PPM1L: variants seen among roughly 807,000 people sequenced by gnomAD.
PPM1L encodes the protein protein phosphatase, Mg2+/Mn2+ dependent 1L.
PPM1L carries 13 observed loss-of-function variants against 31.4 expected under a neutral mutation model. That is an observed-to-expected ratio of 0.41 (90% CI 0.27 to 0.66). The LOEUF (loss-of-function observed/expected upper bound fraction) is 0.66, where lower values mean the gene tolerates loss of function less well. Among genes scored for constraint, PPM1L ranks in the 30% least tolerant of loss-of-function variants. The pLI, the probability that PPM1L is intolerant of heterozygous loss-of-function variation, is 0.29. For synonymous variants in PPM1L, 184 were observed against 175.4 expected (o/e 1.05, Z -0.39); for missense variants, 326 against 453.7 (o/e 0.72, Z 2.56).
At chr3:160,903,642 C>T (rs1335658194) in intron 1 of PPM1L, among the ~76,000 whole-genome samples, 1 of 151,854 alleles carries the variant, frequency 6.6e-6, no homozygotes, top group Non-Finnish European at 1.5e-5. Flanking sequence ...TCTATTACTT[C>T]AATTATTATT....
intron 1 of PPM1L, among the ~76,000 whole-genome samples, chr3:160,779,010 A>G (rs1489398565): frequency 6.6e-6 from 1 of 151,918 alleles, no homozygotes; most frequent in Non-Finnish European, 1.5e-5. Flanking sequence ...TTTCTACAGT[A>G]AACAGTCTAA....
In PPM1L at chr3:161,069,089, G is replaced by A. The variant is rs1209655125; in HGVS notation, c.1015G>A (p.Gly339Ser). Reference protein sequence around the residue: ...KSIVLQSFYRGCPDNITVMVV... With the variant: ...KSIVLQSFYRSCPDNITVMVV... ...CATAGTTTTACAGTCATTTTACAGA[G>A]GCTGCCCTGACAATATAACAGTCAT... The change falls in exon 4 of 4, where the codon GGC becomes AGC. Residue 339 changes from glycine (G) to serine (S), a missense_variant. By Grantham distance (56) the Gly-to-Ser change is moderately conservative. Transcript: ENST00000498165. 1 of 1,614,072 alleles carries A rather than the reference G, an allele frequency of 6.2e-7. No individual in the cohort carries two copies. Among genetic ancestry groups the A allele is most frequent in the African/African-American group, 1.3e-5 (1 of 74,940 alleles).
At chr3:161,002,573 T>C (rs1019180002) in intron 2 of PPM1L, among the ~76,000 whole-genome samples, 3 of 150,434 alleles carry the variant, frequency 2.0e-5, no homozygotes, top group African/African-American at 7.4e-5. Context: ...TTGATTTGCA[T>C]TTCTCTGATA....
At chr3:161,049,255 G>A (rs1719189827) in intron 2 of PPM1L, among the ~76,000 whole-genome samples, 1 of 151,442 alleles carries the variant, frequency 6.6e-6, no homozygotes, top group African/African-American at 2.4e-5. Context: ...TCTAGCCTGG[G>A]CAGCAAAGTG....
intron 2 of PPM1L, among the ~76,000 whole-genome samples, chr3:160,970,018 A>G (rs1025614647): frequency 6.6e-5 from 10 of 152,174 alleles, no homozygotes; most frequent in Admixed American, 4.6e-4. Context: ...CAAATTTTAT[A>G]TCTTTTTTAT....
intron 1 of PPM1L, among the ~76,000 whole-genome samples, chr3:160,903,251 C>T: frequency 8.1e-6 from 1 of 124,018 alleles, no homozygotes; most frequent in Non-Finnish European, 1.7e-5. Context: ...TATTAAGAGA[C>T]TTATTCTAAG....
chr3:160,897,105 T>C (rs1249859924), intron 1 of PPM1L, among the ~76,000 whole-genome samples: 2 of 148,848 alleles, frequency 1.3e-5, no homozygotes, highest in Non-Finnish European at 3.0e-5. Context: ...TGCAGTGGTG[T>C]GATCTTGGCT....
chr3:161,029,508 G>A (rs1299592670), intron 2 of PPM1L, among the ~76,000 whole-genome samples: 5 of 152,172 alleles, frequency 3.3e-5, no homozygotes, highest in Admixed American at 1.3e-4. Flanking sequence ...GAAGAAGAAA[G>A]CGATATGTAG....
chr3:161,055,839 T>C (rs1364212923), intron 2 of PPM1L, among the ~76,000 whole-genome samples: 1 of 152,092 alleles, frequency 6.6e-6, no homozygotes, highest in Non-Finnish European at 1.5e-5. Context: ...GAAAAGACTT[T>C]ATGTCACAGA....
intron 1 of PPM1L, among the ~76,000 whole-genome samples, chr3:160,920,566 A>G (rs1370390982): frequency 6.7e-6 from 1 of 148,712 alleles, no homozygotes; most frequent in Non-Finnish European, 1.5e-5. Flanking sequence ...AAACCCAGCA[A>G]CTGCACTTAT....
intron 1 of PPM1L, among the ~76,000 whole-genome samples, chr3:160,784,036 C>T (rs1711826039): frequency 6.6e-6 from 1 of 152,156 alleles, no homozygotes; most frequent in South Asian, 2.1e-4. Flanking sequence ...TTGGATTTCA[C>T]TATTGCCAGA....
chr3:160,931,060 A>G (rs935353464), intron 1 of PPM1L, among the ~76,000 whole-genome samples: 1 of 152,228 alleles, frequency 6.6e-6, no homozygotes, highest in Non-Finnish European at 1.5e-5. Flanking sequence ...TGAGAGGTTC[A>G]GTTACATGCT....
intron 2 of PPM1L, among the ~76,000 whole-genome samples, chr3:160,981,957 G>T (rs559020231): frequency 6.6e-5 from 10 of 152,014 alleles, no homozygotes; most frequent in African/African-American, 2.4e-4. Flanking sequence ...GTAGAGACGG[G>T]GTTTCACCAC....
In PPM1L at chr3:161,060,129, C is replaced by T. The variant is rs947611502; in HGVS notation, c.575-5274C>T. 4.6e-5 allele frequency among the ~76,000 whole-genome samples: 7 copies of T among 152,096 alleles called. 1 individual carries two copies. Among genetic ancestry groups the T allele is most frequent in the African/African-American group, 7.2e-5 (3 of 41,426 alleles). ...TCTAAATAAATAAGCAAGATATCTA[C>T]ATAATTGTGTGTTGTAAGGGCAATA... On this transcript the variant is annotated intron_variant, in intron 2 of 3. Transcript: ENST00000498165.
rs148941052 is a variant in PPM1L at position 161,026,913 on chromosome 3, G to A, written c.575-38490G>A. On this transcript the variant is annotated intron_variant, in intron 2 of 3. Transcript: ENST00000498165. ...AAGATTTTAAGGTGGAGAAATAGCA[G>A]GGGAAGAAGGGCAGTGAGTACACTG... Among the ~76,000 whole-genome samples the A allele has an allele frequency of 5.4e-3, 824 of 152,270 alleles. 3 individuals carry two copies. Among genetic ancestry groups the A allele is most frequent in the Middle Eastern group, 0.031 (9 of 294 alleles).
At chr3:160,910,500 CG>C (rs1713934658) in intron 1 of PPM1L, among the ~76,000 whole-genome samples, 2 of 151,938 alleles carry the variant, frequency 1.3e-5, no homozygotes, top group Admixed American at 1.3e-4. Context: ...TTAGTAGAGA[CG>C]GGGTTTTGCC....
intron 1 of PPM1L, among the ~76,000 whole-genome samples, chr3:160,824,959 T>C (rs1713311775): frequency 6.6e-6 from 1 of 152,166 alleles, no homozygotes; most frequent in Non-Finnish European, 1.5e-5. Flanking sequence ...AATATTCATA[T>C]TTTAATTTGA....
At chr3:160,770,258 C>T (rs180901834) in intron 1 of PPM1L, among the ~76,000 whole-genome samples, 59 of 152,186 alleles carry the variant, frequency 3.9e-4, no homozygotes, top group Non-Finnish European at 7.1e-4. Context: ...TTTTCTGCCT[C>T]ATTTCATTAA....
Position 161,075,992 on chromosome 3 carries a change from T to A in PPM1L, c.*6835T>A, listed in dbSNP as rs1720085229. 6.6e-6 allele frequency: 1 copy of A among 152,008 alleles called. No homozygotes were observed. Among genetic ancestry groups the A allele is most frequent in the Non-Finnish European group, 1.5e-5 (1 of 68,008 alleles). 9.4% of individuals were successfully genotyped at this position (152,008 alleles called of 1,614,324 possible). ...AGTCACAGGTACAACTGGGAGCGAG[T>A]TTTAACATAGTGGTAATTTTGCAAA... On this transcript the variant is annotated 3_prime_UTR_variant, in exon 4 of 4. Coordinates refer to ENST00000498165, the MANE Select transcript of PPM1L (RefSeq NM_139245.4).
Sources: gnomAD v4.1 joint callset for allele counts (sites outside exome capture counted in the v4.1 genomes callset) on GRCh38, gnomAD v4.1.1 for gene constraint, MANE v1.5 for transcripts, NCBI Gene and HGNC (gene_info 2026-07-23, HGNC 2026-07-21) for gene names.